The following PTPRM variants were observed in gnomAD, a reference collection of about 807,000 sequenced individuals.
PTPRM encodes the protein protein tyrosine phosphatase receptor type M.
PTPRM carries 47 observed loss-of-function variants against 186.7 expected under a neutral mutation model. The ratio of observed to expected loss-of-function variants is 0.25; its 90% CI spans 0.20 to 0.32. PTPRM has a LOEUF of 0.32. Among genes scored for constraint, PTPRM ranks in the 10% least tolerant of loss-of-function variants. The pLI is 1.00. For missense variants in PTPRM, 1,494 were observed against 1,865.0 expected, an observed-to-expected ratio of 0.80 and a Z score of 3.66; for synonymous variants, 668 against 674.9, an observed-to-expected ratio of 0.99 and a Z score of 0.16.
At chr18:8,006,890 T>C (rs868835234) in intron 7 of PTPRM, among the ~76,000 whole-genome samples, 4 of 152,232 alleles carry the variant, frequency 2.6e-5, no homozygotes, top group Non-Finnish European at 5.9e-5. Context: ...TCTGAAGTCT[T>C]ATTTTAGGAA....
At chr18:8,340,983 G>A (rs926634006) in intron 22 of PTPRM, among the ~76,000 whole-genome samples, 4 of 152,188 alleles carry the variant, frequency 2.6e-5, no homozygotes, top group African/African-American at 9.6e-5. Context: ...TAGGGTGATG[G>A]ACTGAGCTAA....
At chr18:8,353,691 T>TG (rs1158935075) in intron 23 of PTPRM, among the ~76,000 whole-genome samples, 2 of 151,332 alleles carry the variant, frequency 1.3e-5, no homozygotes, top group Non-Finnish European at 2.9e-5. Flanking sequence ...AGAGGCAATG[T>TG]GTTTCATCTT....
chr18:8,310,216 C>T (rs1258879599), intron 20 of PTPRM, among the ~76,000 whole-genome samples: 1 of 151,982 alleles, frequency 6.6e-6, no homozygotes, highest in Non-Finnish European at 1.5e-5. Context: ...TCCACTAGCC[C>T]TCTCTATGCT....
At position 7,601,321 on chromosome 18, in the gene PTPRM, C is replaced by T. The variant is rs117872378; in HGVS notation, c.73+33430C>T. Reference sequence around the variant, plus strand: ...TTTCTCTGCCCCCTTTTATTTCTTGCTGTATGAGTCACTACTCTCCCCCGG... The same window carrying T: ...TTTCTCTGCCCCCTTTTATTTCTTGTTGTATGAGTCACTACTCTCCCCCGG... On this transcript the variant is annotated intron_variant, in intron 1 of 32. Coordinates refer to ENST00000580170, the MANE Select transcript of PTPRM (RefSeq NM_001105244.2). Among the ~76,000 whole-genome samples the T allele has an allele frequency of 2.6e-4, 39 of 152,328 alleles. No homozygotes were observed. In the East Asian group the frequency reaches 6.7e-3, roughly 26 times the overall value.
chr18:7,684,355 G>A (rs886627039), intron 1 of PTPRM, among the ~76,000 whole-genome samples: 7 of 151,948 alleles, frequency 4.6e-5, no homozygotes, highest in Admixed American at 1.3e-4. Context: ...GTAAGAACAC[G>A]TAACATGGGA....
intron 4 of PTPRM, among the ~76,000 whole-genome samples, chr18:7,917,542 T>A (rs7244193): frequency 0.27 from 41,576 of 151,482 alleles, 6,119 homozygotes; most frequent in East Asian, 0.43. Flanking sequence ...TCTAAAAAAA[T>A]ATATACTTTT....
At chr18:8,091,013 C>T (rs2090691160) in intron 11 of PTPRM, among the ~76,000 whole-genome samples, 1 of 152,162 alleles carries the variant, frequency 6.6e-6, no homozygotes, top group Admixed American at 6.5e-5. Flanking sequence ...CTATTTCTAG[C>T]ATATGCCTCA....
intron 7 of PTPRM, among the ~76,000 whole-genome samples, chr18:7,988,417 A>T (rs1482756040): frequency 6.6e-6 from 1 of 152,178 alleles, no homozygotes; most frequent in Non-Finnish European, 1.5e-5. Context: ...AAGTATACAT[A>T]AAAATATTTA....
chr18:8,014,525 G>A lies in PTPRM; in HGVS notation c.1133-55161G>A, dbSNP rs540622530. ...GCAAGTGTTATAAGATAATTAGAAC[G>A]GTTAGGATAATTGCCTTTTATGGAT... On this transcript the variant is annotated intron_variant, in intron 7 of 32. Coordinates refer to ENST00000580170, the MANE Select transcript of PTPRM (RefSeq NM_001105244.2). Among the ~76,000 whole-genome samples, 6 of 152,232 alleles carry A rather than the reference G, an allele frequency of 3.9e-5. No homozygotes were observed. The South Asian group carries it at 1.0e-3, about 26-fold the overall frequency.
chr18:8,358,262 C>CACACACAT (rs2095575475), intron 23 of PTPRM, among the ~76,000 whole-genome samples: 1 of 151,576 alleles, frequency 6.6e-6, no homozygotes, highest in Non-Finnish European at 1.5e-5. Context: ...CACACACACA[C>CACACACAT]ACACACACAC....
chr18:7,700,510 G>A (rs2039936896), intron 1 of PTPRM, among the ~76,000 whole-genome samples: 1 of 152,204 alleles, frequency 6.6e-6, no homozygotes, highest in Non-Finnish European at 1.5e-5. Context: ...ACTGTGCAAT[G>A]CATGGATTTG....
intron 4 of PTPRM, among the ~76,000 whole-genome samples, chr18:7,914,574 T>A (rs1388450423): frequency 6.6e-6 from 1 of 152,028 alleles, no homozygotes; most frequent in Non-Finnish European, 1.5e-5. Flanking sequence ...ATAGAATTTA[T>A]CACAATGCTT....
At chr18:7,734,653 G>A (rs1220632140) in intron 1 of PTPRM, among the ~76,000 whole-genome samples, 2 of 152,094 alleles carry the variant, frequency 1.3e-5, no homozygotes, top group Non-Finnish European at 2.9e-5. Context: ...TTAAAAGAAG[G>A]GAGCAAATGG....
intron 1 of PTPRM, among the ~76,000 whole-genome samples, chr18:7,630,593 G>A (rs2144072152): frequency 6.6e-6 from 1 of 152,230 alleles, no homozygotes; most frequent in Middle Eastern, 3.4e-3. Context: ...GTAGCCTTTT[G>A]GGCTATTTTG....
intron 22 of PTPRM, among the ~76,000 whole-genome samples, chr18:8,332,503 C>G (rs2095417299): frequency 6.6e-6 from 1 of 152,162 alleles, no homozygotes; most frequent in Non-Finnish European, 1.5e-5. Context: ...TTTATATTGT[C>G]ACACTTTCTT....
intron 11 of PTPRM, among the ~76,000 whole-genome samples, chr18:8,111,903 G>A (rs139820587): frequency 1.3e-3 from 194 of 152,252 alleles, no homozygotes; most frequent in African/African-American, 4.5e-3. Context: ...GAATGGTCAC[G>A]CTTCCTTAGG....
Position 8,289,218 on chromosome 18 carries a change from A to G in PTPRM, c.2755-7150A>G, listed in dbSNP as rs990484886. Among the ~76,000 whole-genome samples, 7 of 151,882 alleles carry G rather than the reference A, an allele frequency of 4.6e-5. No homozygotes were observed. The South Asian group carries it at 6.2e-4, about 14-fold the overall frequency. ...ACAGGATTAAAATGCTCACCCCCCA[A>G]TAGAGCTTCACAAACCTCATAAGCA... On this transcript the variant is annotated intron_variant, in intron 19 of 32. Transcript: ENST00000580170.
At chr18:7,907,611 C>T (rs139182169) in intron 4 of PTPRM, among the ~76,000 whole-genome samples, 3 of 152,128 alleles carry the variant, frequency 2.0e-5, no homozygotes, top group Non-Finnish European at 4.4e-5. Flanking sequence ...TCAGGGTGAG[C>T]GAGCTAGATC....
At chr18:8,296,158 G>A (rs759390871) in intron 19 of PTPRM, among the ~76,000 whole-genome samples, 4 of 152,162 alleles carry the variant, frequency 2.6e-5, no homozygotes, top group Admixed American at 1.3e-4. Flanking sequence ...CCCTGTGTTT[G>A]TAAGGTACTA....
Sources: gnomAD v4.1 joint callset for allele counts (sites outside exome capture counted in the v4.1 genomes callset) on GRCh38, gnomAD v4.1.1 for gene constraint, MANE v1.5 for transcripts, NCBI Gene and HGNC (gene_info 2026-07-23, HGNC 2026-07-21) for gene names.